The following ZEB1 variants were observed in gnomAD, a reference collection of about 807,000 sequenced individuals.
ZEB1 encodes zinc finger E-box binding homeobox 1.
A neutral mutation model predicts 84.9 loss-of-function variants in ZEB1; 21 were observed. The ratio of observed to expected loss-of-function variants is 0.25; its 90% CI spans 0.18 to 0.36. ZEB1 has a LOEUF of 0.36. Among genes scored for constraint, ZEB1 ranks in the 10% least tolerant of loss-of-function variants. The pLI is 1.00. For missense variants in ZEB1, 1,104 were observed against 1,330.2 expected (o/e 0.83, Z 2.65); for synonymous variants, 420 against 471.1 (o/e 0.89, Z 1.41).
chr10:31,496,177 T>C (rs1475086909), intron 3 of ZEB1, among the ~76,000 whole-genome samples: 2 of 152,048 alleles, frequency 1.3e-5, no homozygotes, highest in Non-Finnish European at 2.9e-5. Context: ...GATCTAACTT[T>C]TGAGTTTCGT....
At chr10:31,338,682 A>T (rs1435462530) in intron 1 of ZEB1, among the ~76,000 whole-genome samples, 1 of 152,070 alleles carries the variant, frequency 6.6e-6, no homozygotes, top group African/African-American at 2.4e-5. Context: ...GCTTAGATTT[A>T]CTCTTCAATG....
intron 1 of ZEB1, chr10:31,321,666 G>C (rs937496477): frequency 7.9e-7 from 1 of 1,273,056 alleles, no homozygotes; most frequent in African/African-American, 1.5e-5. Context: ...CTGTGCAGCT[G>C]CTGTAAACAT....
chr10:31,340,886 A>G (rs2039224515), intron 1 of ZEB1, among the ~76,000 whole-genome samples: 2 of 152,024 alleles, frequency 1.3e-5, no homozygotes, highest in South Asian at 4.1e-4. Flanking sequence ...GGAAGAGAGG[A>G]ATAGCCTAAA....
chr10:31,440,556 G>A (rs1292900027), intron 1 of ZEB1, among the ~76,000 whole-genome samples: 3 of 152,142 alleles, frequency 2.0e-5, no homozygotes, highest in Non-Finnish European at 4.4e-5. Flanking sequence ...ATTCTGGCCA[G>A]GACAATCAGG....
At chr10:31,368,076 G>A (rs1177383263) in intron 1 of ZEB1, among the ~76,000 whole-genome samples, 1 of 151,914 alleles carries the variant, frequency 6.6e-6, no homozygotes, top group African/African-American at 2.4e-5. Context: ...TTGGTGCCAG[G>A]ACACCCTCAG....
At chr10:31,508,170 G>A (rs2069309327) in intron 4 of ZEB1, among the ~76,000 whole-genome samples, 1 of 152,170 alleles carries the variant, frequency 6.6e-6, no homozygotes, top group Non-Finnish European at 1.5e-5. Flanking sequence ...TTGGGCCCTA[G>A]CAGTGGTAGT....
chr10:31,506,206 A>G lies in ZEB1; in HGVS notation c.484+3697A>G, dbSNP rs757508957. 1.1e-3 allele frequency among the ~76,000 whole-genome samples: 167 copies of G among 152,158 alleles called. 1 individual carries two copies. The highest frequency in any genetic ancestry group is 1.9e-3 in the Non-Finnish European group (132 of 67,924). On this transcript the variant is annotated intron_variant, in intron 4 of 8. Coordinates refer to ENST00000424869, the MANE Select transcript of ZEB1 (RefSeq NM_001174096.2). The stretch of plus-strand genomic sequence containing the variant: ...CCCAACATACAGTCTATCCTAGAGT[A>G]TGTTCTGTGTGTTGATGACAAGAAT...
chr10:31,370,940 ACTC>A (rs1373261867), intron 1 of ZEB1, among the ~76,000 whole-genome samples: 4 of 151,714 alleles, frequency 2.6e-5, no homozygotes, highest in Non-Finnish European at 5.9e-5. Context: ...GCTGGTCTGA[ACTC>A]CTGGTTTCAA....
chr10:31,400,911 A>C lies in ZEB1; in HGVS notation c.59-60126A>C, dbSNP rs72639506. Among the ~76,000 whole-genome samples the C allele has an allele frequency of 0.014, 2,103 of 152,220 alleles. 115 individuals are homozygous for C. The East Asian group carries it at 0.18, about 13-fold the overall frequency. On this transcript the variant is annotated intron_variant, in intron 1 of 8. Coordinates refer to ENST00000424869, the MANE Select transcript of ZEB1 (RefSeq NM_001174096.2). Reference sequence around the variant, plus strand: ...CTGATTTAAATAGAGTCATAATCCAAATTTTCTCAATTATGACATACATTT... The same window carrying C: ...CTGATTTAAATAGAGTCATAATCCACATTTTCTCAATTATGACATACATTT...
chr10:31,501,495 C>T (rs915104771), intron 3 of ZEB1, among the ~76,000 whole-genome samples: 1 of 152,168 alleles, frequency 6.6e-6, no homozygotes, highest in African/African-American at 2.4e-5. Context: ...ATTTGATACC[C>T]TTTGATGCTT....
At chr10:31,379,478 T>C (rs1235358558) in intron 1 of ZEB1, among the ~76,000 whole-genome samples, 4 of 151,936 alleles carry the variant, frequency 2.6e-5, no homozygotes, top group Admixed American at 6.6e-5. Flanking sequence ...TATACACATA[T>C]ATTCTTTCTA....
chr10:31,495,073 G>C (rs1299375383), intron 2 of ZEB1, among the ~76,000 whole-genome samples: 2 of 152,024 alleles, frequency 1.3e-5, no homozygotes, highest in Non-Finnish European at 2.9e-5. Flanking sequence ...AAATGAGCAA[G>C]AGTGTGATGG....
intron 1 of ZEB1, among the ~76,000 whole-genome samples, chr10:31,422,643 T>C (rs959171209): frequency 3.3e-5 from 5 of 152,122 alleles, no homozygotes; most frequent in African/African-American, 1.2e-4. Context: ...TTTCAAAAAA[T>C]CTATATTTCC....
intron 1 of ZEB1, among the ~76,000 whole-genome samples, chr10:31,413,249 C>T (rs995247949): frequency 2.0e-5 from 3 of 152,110 alleles, no homozygotes; most frequent in East Asian, 1.9e-4. Flanking sequence ...AAACAAGTAG[C>T]GTAAATCAAA....
chr10:31,441,736 AG>A (rs1389523412), intron 1 of ZEB1, among the ~76,000 whole-genome samples: 1 of 152,188 alleles, frequency 6.6e-6, no homozygotes, highest in Non-Finnish European at 1.5e-5. Flanking sequence ...ATCAAAAAGT[AG>A]GTGAAGGATA....
rs1255148986 is a variant in ZEB1 at position 31,523,916 on chromosome 10, C to T, written c.2605-17C>T. The T allele has an allele frequency of 6.2e-7, 1 of 1,612,588 alleles. No homozygotes were observed. Among genetic ancestry groups the T allele is most frequent in the South Asian group, 1.1e-5 (1 of 91,036 alleles). ...TTTAATGTTAAATTACATTTTCTCA[C>T]ACCTTTCTCCCTCTAGGATGAAAGA... On this transcript the variant is annotated splice_polypyrimidine_tract_variant and intron_variant, in intron 7 of 8. Transcript: ENST00000424869.
chr10:31,518,499 CTT>C (rs1422458907), intron 6 of ZEB1, among the ~76,000 whole-genome samples: 1 of 152,098 alleles, frequency 6.6e-6, no homozygotes, highest in Non-Finnish European at 1.5e-5. Flanking sequence ...CAGCCTGTCT[CTT>C]AGTAGAATTG....
chr10:31,384,800 G>C (rs1417820937), intron 1 of ZEB1, among the ~76,000 whole-genome samples: 1 of 152,116 alleles, frequency 6.6e-6, no homozygotes, highest in East Asian at 1.9e-4. Flanking sequence ...CTCTGTCTAG[G>C]GAGTTTGTTT....
intron 1 of ZEB1, among the ~76,000 whole-genome samples, chr10:31,350,132 A>C (rs1478178483): frequency 6.6e-6 from 1 of 152,112 alleles, no homozygotes; most frequent in Non-Finnish European, 1.5e-5. Context: ...ATTCTTCTGC[A>C]TGGGGACATT....
Sources: gnomAD v4.1 joint callset for allele counts (sites outside exome capture counted in the v4.1 genomes callset) on GRCh38, gnomAD v4.1.1 for gene constraint, MANE v1.5 for transcripts, NCBI Gene and HGNC (gene_info 2026-07-23, HGNC 2026-07-21) for gene names.